The following CD58 variants were observed in gnomAD, a reference collection of about 807,000 sequenced individuals.
The protein encoded by CD58 is CD58 molecule.
A neutral mutation model predicts 27.6 loss-of-function variants in CD58; 14 were observed. That is an observed-to-expected ratio of 0.51 (90% confidence interval 0.34 to 0.79). The LOEUF is 0.79. Ranked by LOEUF, CD58 falls within the 30% of genes least tolerant of loss-of-function variation. The probability of loss-of-function intolerance (pLI) is 0.02; values close to 1 mark genes in which losing one functional copy is unlikely to be tolerated. For synonymous variants in CD58, 117 were observed against 103.8 expected, an observed-to-expected ratio of 1.13 and a Z score of -0.77; for missense variants, 268 against 301.7, an observed-to-expected ratio of 0.89 and a Z score of 0.83.
chr1:116,549,537 A>G (rs866657239), intron 1 of CD58, among the ~76,000 whole-genome samples: 1 of 152,254 alleles, frequency 6.6e-6, no homozygotes, highest in African/African-American at 2.4e-5. Flanking sequence ...AAAGCCATAG[A>G]AGAGTTTCAA....
At position 116,523,692 on chromosome 1, in the gene CD58, G is replaced by T. The variant is rs965414372; in HGVS notation, c.629-1709C>A. Among the ~76,000 whole-genome samples, 2 of 152,160 alleles carry T rather than the reference G, an allele frequency of 1.3e-5. No individual in the cohort carries two copies. The highest frequency in any genetic ancestry group is 3.8e-4 in the East Asian group (2 of 5,196). Reference sequence around the variant, plus strand: ...GATGTCAGTGCCACTGAAGATCATTGTCTAGAGCCATAAGTTCATCAAGGG... The same window carrying T: ...GATGTCAGTGCCACTGAAGATCATTTTCTAGAGCCATAAGTTCATCAAGGG... On this transcript the variant is annotated intron_variant, in intron 3 of 5. Transcript: ENST00000369489. This position sits in a 1 kb window ranked among gnomAD's most constrained non-coding sequence, Gnocchi z 4.4.
intron 5 of CD58, chr1:116,518,982 G>T: frequency 9.7e-7 from 1 of 1,031,864 alleles, no homozygotes; most frequent in Non-Finnish European, 1.3e-6. Context: ...TCTAAGCAAG[G>T]GGTATGATAC....
At chr1:116,525,558 T>C (rs1393874063) in intron 3 of CD58, among the ~76,000 whole-genome samples, 4 of 152,242 alleles carry the variant, frequency 2.6e-5, no homozygotes, top group Non-Finnish European at 1.5e-5. Flanking sequence ...GCAAGAAGCA[T>C]GACAGTTGTG....
At chr1:116,529,952 GATA>G (rs2101166230) in intron 3 of CD58, among the ~76,000 whole-genome samples, 1 of 152,256 alleles carries the variant, frequency 6.6e-6, no homozygotes, top group East Asian at 1.9e-4. Flanking sequence ...AGAAACATGA[GATA>G]ATGAGGTAAA....
At chr1:116,539,702 A>T (rs1024633430) in intron 2 of CD58, among the ~76,000 whole-genome samples, 1 of 152,202 alleles carries the variant, frequency 6.6e-6, no homozygotes, top group Admixed American at 6.5e-5. Flanking sequence ...CTCATCTAAA[A>T]GTGTGCAAGC....
In CD58 at chr1:116,559,438, C is replaced by T. The variant is rs900428532; in HGVS notation, c.70+11465G>A. ...CAGGCAGTCGGCCCCAGAGCCTGCA[C>T]TGTTGGCCAGAACATCAGATGCCTT... On this transcript the variant is annotated intron_variant, in intron 1 of 5. Coordinates refer to ENST00000369489, the MANE Select transcript of CD58 (RefSeq NM_001779.3). This position sits in a 1 kb window ranked among gnomAD's most constrained non-coding sequence, Gnocchi z 4.4. Among the ~76,000 whole-genome samples, 1 of 152,220 alleles carries T rather than the reference C, an allele frequency of 6.6e-6. No homozygotes were observed. The highest frequency in any genetic ancestry group is 6.5e-5 in the Admixed American group (1 of 15,288).
chr1:116,529,859 G>T (rs1359255403), intron 3 of CD58, among the ~76,000 whole-genome samples: 1 of 152,034 alleles, frequency 6.6e-6, no homozygotes, highest in Non-Finnish European at 1.5e-5. Flanking sequence ...CCCATTTCTG[G>T]GTTGCAGTGA....
In CD58 at chr1:116,527,587, T is replaced by G. The variant is rs1274806590; in HGVS notation, c.629-5604A>C. Among the ~76,000 whole-genome samples the G allele has an allele frequency of 1.3e-5, 2 of 152,252 alleles. No individual in the cohort carries two copies. The highest frequency in any genetic ancestry group is 4.8e-5 in the African/African-American group (2 of 41,462). On this transcript the variant is annotated intron_variant, in intron 3 of 5. Coordinates refer to ENST00000369489, the MANE Select transcript of CD58 (RefSeq NM_001779.3). This position sits in a 1 kb window ranked among gnomAD's most constrained non-coding sequence, Gnocchi z 4.4. Reference sequence around the variant, plus strand: ...TGTTGGATCCAATTTGCTAATATTTTGTTTAAGGTTTCTACATGTATGTTC... The same window carrying G: ...TGTTGGATCCAATTTGCTAATATTTGGTTTAAGGTTTCTACATGTATGTTC...
At chr1:116,537,738 T>C (rs1011004433) in intron 2 of CD58, among the ~76,000 whole-genome samples, 3 of 152,230 alleles carry the variant, frequency 2.0e-5, no homozygotes, top group Admixed American at 1.3e-4. Flanking sequence ...ATTTGTTAAT[T>C]CATATGCCTT....
intron 4 of CD58, among the ~76,000 whole-genome samples, chr1:116,520,507 CTTT>C (rs55881110): frequency 7.4e-6 from 1 of 135,680 alleles, no homozygotes; most frequent in Non-Finnish European, 1.6e-5. Flanking sequence ...TATTGAATGA[CTTT>C]TTTTTTTTTT....
chr1:116,518,790 C>T, intron 5 of CD58: 2 of 1,008,426 alleles, frequency 2.0e-6, no homozygotes, highest in Non-Finnish European at 2.4e-6. Context: ...ACCCTGGCTC[C>T]TGAAGTGAAC....
In CD58 at chr1:116,515,616, C is replaced by G. The variant is rs866588726; in HGVS notation, c.744-794G>C. Among the ~76,000 whole-genome samples, 106 of 152,286 alleles carry G rather than the reference C, an allele frequency of 7.0e-4. No individual in the cohort carries two copies. Among genetic ancestry groups the G allele is most frequent in the African/African-American group, 2.5e-3 (103 of 41,558 alleles). On this transcript the variant is annotated intron_variant, in intron 5 of 5. Transcript: ENST00000369489. This position sits in a 1 kb window ranked among gnomAD's most constrained non-coding sequence, Gnocchi z 4.6. The stretch of plus-strand genomic sequence containing the variant: ...TGTTGGGGCAGCTTTTTGCCGGTCT[C>G]TGCTTCCCTGCCCTCTCCCAGCAGT...
In CD58 at chr1:116,522,024, G is replaced by C. The variant is rs375219040; in HGVS notation, c.629-41C>G. ...GAAAAGAAATTCAACTAGTTGAACT[G>C]ATCAAAATGGATCCTCATTATTTGC... On this transcript the variant is annotated intron_variant, in intron 3 of 5. Coordinates refer to ENST00000369489, the MANE Select transcript of CD58 (RefSeq NM_001779.3). The surrounding 1 kb of genome is among the most constrained non-coding windows in gnomAD (Gnocchi z 4.6). 4.0e-6 allele frequency: 4 copies of C among 1,010,876 alleles called. No homozygotes were observed. Among genetic ancestry groups the C allele is most frequent in the South Asian group, 1.4e-5 (1 of 69,672 alleles). The allele number at this position is 1,010,876 out of a possible 1,614,324, so 62.6% of individuals were successfully genotyped here. A position where few individuals can be genotyped will look rare whatever the true frequency, so the allele number is the denominator to read the frequency against.
At chr1:116,544,679 T>C (rs1442397723) in intron 1 of CD58, 75 bp from the exon 2 acceptor site, 7 of 981,106 alleles carry the variant, frequency 7.1e-6, no homozygotes, top group African/African-American at 3.3e-5. Flanking sequence ...AGGTACTTTT[T>C]GTGCTAAGCT....
chr1:116,547,486 C>T (rs1031018960), intron 1 of CD58, among the ~76,000 whole-genome samples: 1 of 151,844 alleles, frequency 6.6e-6, no homozygotes, highest in Non-Finnish European at 1.5e-5. Flanking sequence ...CCACCATGCC[C>T]GGCTAATTTT....
At position 116,515,939 on chromosome 1, in the gene CD58, C is replaced by T. The variant is rs751680927; in HGVS notation, c.744-1117G>A. 6.6e-6 allele frequency among the ~76,000 whole-genome samples: 1 copy of T among 152,166 alleles called. No homozygotes were observed. Among genetic ancestry groups the T allele is most frequent in the African/African-American group, 2.4e-5 (1 of 41,432 alleles). ...GTTTAGTTCTTCCTGCTCCTGCCCT[C>T]GCGCAGCTGGGGAAATATTGCATTT... On this transcript the variant is annotated intron_variant, in intron 5 of 5. Transcript: ENST00000369489. The surrounding 1 kb of genome is among the most constrained non-coding windows in gnomAD (Gnocchi z 4.6).
rs1404356001 is a variant in CD58 at position 116,521,965 on chromosome 1, T to C, written c.647A>G (p.Tyr216Cys). 6.4e-7 allele frequency: 1 copy of C among 1,574,078 alleles called. No individual in the cohort carries two copies. The highest frequency in any genetic ancestry group is 1.3e-5 in the African/African-American group (1 of 74,162). Residue 216 changes from tyrosine (Y) to cysteine (C), a missense_variant, in exon 4 of 6, where the codon TAT becomes TGT. By Grantham distance (194) the Tyr-to-Cys change is radical. Transcript: ENST00000369489. The surrounding 1 kb of genome is among the most constrained non-coding windows in gnomAD (Gnocchi z 5.6). ...IPSSGHSRHR[Y>C]ALIPIPLAVI... is the part of the protein sequence containing the mutation. The stretch of plus-strand genomic sequence containing the variant: ...TGCTAATGGTATGGGTATAAGTGCA[T>C]ATCTGTGTCTTGAATGACCTATAAA...
intron 1 of CD58, among the ~76,000 whole-genome samples, chr1:116,561,127 G>A (rs1302238601): frequency 6.6e-6 from 1 of 152,174 alleles, no homozygotes; most frequent in Non-Finnish European, 1.5e-5. Flanking sequence ...CTCAAAGCCT[G>A]TATTTACTAA....
At chr1:116,518,655 T>A (rs1657161307) in intron 5 of CD58, 2 of 986,528 alleles carry the variant, frequency 2.0e-6, no homozygotes, top group Non-Finnish European at 2.4e-6. Flanking sequence ...CTCTGCCTCC[T>A]GACCACCAGT....
Sources: gnomAD v4.1 joint callset for allele counts (sites outside exome capture counted in the v4.1 genomes callset) on GRCh38, gnomAD v4.1.1 for gene constraint, Gnocchi (gnomAD v3.1) non-coding constraint, MANE v1.5 for transcripts, NCBI Gene and HGNC (gene_info 2026-07-23, HGNC 2026-07-21) for gene names.